Variants in PCNT observed in about 807,000 individuals in gnomAD.
PCNT encodes kendrin.
A neutral mutation model predicts 380.4 loss-of-function variants in PCNT; 319 were observed. That is an observed-to-expected ratio of 0.84 (90% CI 0.77 to 0.92). The LOEUF (loss-of-function observed/expected upper bound fraction) is 0.92, where lower values mean the gene tolerates loss of function less well. Ranked by LOEUF, PCNT falls within the 40% of genes least tolerant of loss-of-function variation. PCNT has a pLI of 0.00. For missense variants in PCNT, 4,400 were observed against 4,255.3 expected, an observed-to-expected ratio of 1.03 and a Z score of -0.95; for synonymous variants, 1,845 against 1,735.2, an observed-to-expected ratio of 1.06 and a Z score of -1.57.
intron 37 of PCNT, chr21:46,431,200 G>A: frequency 8.1e-7 from 1 of 1,231,214 alleles, no homozygotes; most frequent in Admixed American, 3.9e-5. Context: ...TTCTGAAGAG[G>A]GGGCAGGAGC....
chr21:46,436,219 G>A, intron 39 of PCNT, 71 bp downstream of exon 39: 2 of 1,573,232 alleles, frequency 1.3e-6, no homozygotes, highest in Non-Finnish European at 1.7e-6. Context: ...CCGGCCCGAG[G>A]GCTGGGGCGC....
Position 46,391,283 on chromosome 21 carries a change from G to A in PCNT, c.4123G>A (p.Ala1375Thr). ...GAGCCTGAGACGGCAGCTGCAGCAG[G>A]CGGCCCAGGAGCAGGCGGCGCTGAG... is the stretch of plus-strand genomic sequence containing the variant. ...LESLRRQLQQ[A>T]AQEQAALREE... Residue 1375 changes from alanine to threonine, a missense_variant, in exon 21 of 47, where the codon GCG becomes ACG. Ala to Thr is a moderately conservative substitution (Grantham distance 58, BLOSUM62 0). Transcript: ENST00000359568. 1 of 1,588,100 alleles carries A rather than the reference G, an allele frequency of 6.3e-7. No individual in the cohort carries two copies. The highest frequency in any genetic ancestry group is 8.6e-7 in the Non-Finnish European group (1 of 1,167,518).
intron 21 of PCNT, among the ~76,000 whole-genome samples, chr21:46,396,869 C>G (rs2086227015): frequency 6.6e-6 from 1 of 152,186 alleles, no homozygotes. Context: ...TCCCAAAGTG[C>G]TGGGATTACA....
intron 27 of PCNT, among the ~76,000 whole-genome samples, chr21:46,408,930 G>A (rs940932152): frequency 6.6e-6 from 1 of 151,764 alleles, no homozygotes; most frequent in African/African-American, 2.4e-5. Flanking sequence ...CATCACGTTG[G>A]CCAGGCTGGT....
chr21:46,387,940 G>C (rs2085896476), intron 17 of PCNT, among the ~76,000 whole-genome samples: 1 of 152,140 alleles, frequency 6.6e-6, no homozygotes, highest in Non-Finnish European at 1.5e-5. Flanking sequence ...GCCGGGCGCA[G>C]TGGCTCACGC....
intron 21 of PCNT, among the ~76,000 whole-genome samples, chr21:46,393,302 C>T (rs2086096814): frequency 1.3e-5 from 2 of 152,224 alleles, no homozygotes; most frequent in Non-Finnish European, 2.9e-5. Flanking sequence ...CGTTTTCCTG[C>T]ATCTCCTCAG....
intron 11 of PCNT, 44 bp downstream of exon 11, chr21:46,354,112 G>A: frequency 6.6e-7 from 1 of 1,520,334 alleles, no homozygotes; most frequent in South Asian, 1.1e-5. Flanking sequence ...CTGTGCTCTT[G>A]ACCTTCCAGC....
chr21:46,426,823 G>A (rs1218679998), intron 33 of PCNT, among the ~76,000 whole-genome samples: 2 of 152,136 alleles, frequency 1.3e-5, no homozygotes, highest in Non-Finnish European at 2.9e-5. Flanking sequence ...TCCCATCTCC[G>A]TGCCCACCCT....
chr21:46,361,248 G>A lies in PCNT; in HGVS notation c.2155-2232G>A, dbSNP rs567793005. Among the ~76,000 whole-genome samples the A allele has an allele frequency of 3.3e-5, 5 of 152,250 alleles. No homozygotes were observed. In the South Asian group the frequency reaches 6.2e-4, roughly 19 times the overall value. On this transcript the variant is annotated intron_variant, in intron 13 of 46. Transcript: ENST00000359568. Reference sequence around the variant, plus strand: ...AAAAAATAAAATAAAAAAATTAGGCGAGTATGGTGGTGCATGCCTATAATC... The same window carrying A: ...AAAAAATAAAATAAAAAAATTAGGCAAGTATGGTGGTGCATGCCTATAATC...
intron 3 of PCNT, 89 bp from the exon 4 acceptor site, chr21:46,346,039 T>TGTGAGGAC: frequency 7.8e-7 from 1 of 1,279,626 alleles, no homozygotes; most frequent in Non-Finnish European, 1.1e-6. Flanking sequence ...AACGGGGTTT[T>TGTGAGGAC]GTGAGGACGT....
intron 33 of PCNT, 118 bp downstream of exon 33, chr21:46,426,089 T>C: frequency 9.4e-7 from 1 of 1,062,712 alleles, no homozygotes; most frequent in Non-Finnish European, 1.3e-6. Flanking sequence ...TTTTTTTTTT[T>C]TTTTTTTGAG....
At chr21:46,409,208 T>C (rs1426749502) in intron 27 of PCNT, among the ~76,000 whole-genome samples, 7 of 150,168 alleles carry the variant, frequency 4.7e-5, no homozygotes, top group Admixed American at 4.6e-4. Flanking sequence ...TTTTTTTTTT[T>C]GACAGAGTCT....
chr21:46,345,996 C>T (rs2084053527), intron 3 of PCNT, 132 bp from the exon 4 acceptor site: 1 of 829,816 alleles, frequency 1.2e-6, no homozygotes, highest in Non-Finnish European at 2.1e-6. Context: ...CACCTTCTGG[C>T]CGTTGCGAGT....
At chr21:46,405,332 C>T (rs1003518930) in intron 27 of PCNT, among the ~76,000 whole-genome samples, 3 of 152,236 alleles carry the variant, frequency 2.0e-5, no homozygotes, top group African/African-American at 7.2e-5. Flanking sequence ...GAGATGTTAT[C>T]TGTCTTAGTA....
At chr21:46,418,758 CCTCT>C (rs1376650894) in intron 31 of PCNT, among the ~76,000 whole-genome samples, 1 of 152,256 alleles carries the variant, frequency 6.6e-6, no homozygotes, top group Non-Finnish European at 1.5e-5. Context: ...GGTGGACGTC[CCTCT>C]CTCTGCTGTG....
chr21:46,445,263 CTCA>C lies in PCNT; in HGVS notation c.9968-19_9968-17del. 2.5e-6 allele frequency: 4 copies of C among 1,583,392 alleles called. No individual in the cohort carries two copies. Among genetic ancestry groups the C allele is most frequent in the Non-Finnish European group, 3.5e-6 (4 of 1,151,936 alleles). On this transcript the variant is annotated intron_variant, in intron 46 of 46. Transcript: ENST00000359568. Reference sequence around the variant, plus strand: ...TGAAGCCTTGTAACCAATTTGCTGCCTCATTTTTATTTATATGCAGATTCTACT... The same window carrying C: ...TGAAGCCTTGTAACCAATTTGCTGCCTTTTTATTTATATGCAGATTCTACT...
At position 46,430,610 on chromosome 21, in the gene PCNT, C is replaced by CA; in HGVS notation, c.8018dup (p.Leu2674AlafsTer69). ...CCTGCAGAGCCAGCTGGAGGAGGAG[C>CA]AGCTGCGGCACCTGCAGAGGGAGAG... On this transcript the variant is annotated frameshift_variant, in exon 37 of 47. Transcript: ENST00000359568. LOFTEE classifies it high-confidence loss of function. 6.4e-7 allele frequency: 1 copy of CA among 1,569,422 alleles called. No individual in the cohort carries two copies. The highest frequency in any genetic ancestry group is 1.3e-5 in the African/African-American group (1 of 74,114).
Position 46,428,443 on chromosome 21 carries a change from A to T in PCNT, c.7543A>T (p.Ser2515Cys). 6.2e-7 allele frequency: 1 copy of T among 1,612,558 alleles called. No individual in the cohort carries two copies. The highest frequency in any genetic ancestry group is 8.5e-7 in the Non-Finnish European group (1 of 1,179,898). ...GGAGCATCTTCGCTTGCCGGACCGGAGCAGCCTGCTGTCCGAGATCCAGGC... is the reference window on the plus strand; with the variant it reads ...GGAGCATCTTCGCTTGCCGGACCGGTGCAGCCTGCTGTCCGAGATCCAGGC... ...SLEHLRLPDR[S>C]SLLSEIQALR... The change falls in exon 35 of 47, where the codon AGC becomes TGC. Residue 2515 changes from serine (S) to cysteine (C), a missense_variant. Ser to Cys is a moderately radical substitution (Grantham distance 112). Coordinates refer to ENST00000359568, the MANE Select transcript of PCNT (RefSeq NM_006031.6).
chr21:46,408,187 G>A (rs1356294473), intron 27 of PCNT, among the ~76,000 whole-genome samples: 2 of 152,102 alleles, frequency 1.3e-5, no homozygotes, highest in Admixed American at 6.5e-5. Context: ...ATTCTGTTTC[G>A]AGTCAGGTGT....
Sources: allele counts gnomAD v4.1 joint callset (sites outside exome capture counted in the v4.1 genomes callset), GRCh38; gene constraint gnomAD v4.1.1; transcripts MANE v1.5; gene names NCBI Gene and HGNC (gene_info 2026-07-23, HGNC 2026-07-21).